The following FMO1 variants were observed in gnomAD, a reference collection of about 807,000 sequenced individuals.
FMO1 encodes flavin-containing monooxygenase 1.
In FMO1, 36 loss-of-function variants were observed where a neutral mutation model predicts 45.4. The ratio of observed to expected loss-of-function variants is 0.79; its 90% confidence interval spans 0.61 to 1.05. FMO1 has a LOEUF of 1.05. FMO1 is among the 50% of genes least tolerant of loss of function. FMO1 has a pLI of 0.00. For synonymous variants in FMO1, 228 were observed against 227.2 expected, an observed-to-expected ratio of 1.00 and a Z score of -0.03; for missense variants, 615 against 640.3, an observed-to-expected ratio of 0.96 and a Z score of 0.43.
chr1:171,260,438 C>G (rs1220647456), intron 2 of FMO1, among the ~76,000 whole-genome samples: 1 of 151,814 alleles, frequency 6.6e-6, no homozygotes, highest in Non-Finnish European at 1.5e-5. Context: ...TTAGCCCTGG[C>G]AAGGTGGGGA....
Position 171,275,360 on chromosome 1 carries a change from T to C in FMO1, c.336T>C (p.Ser112=), listed in dbSNP as rs565500519. 2.5e-5 allele frequency: 40 copies of C among 1,613,742 alleles called. No individual in the cohort carries two copies. Among genetic ancestry groups the C allele is most frequent in the Non-Finnish European group, 3.2e-5 (38 of 1,179,854 alleles). The part of the protein sequence containing the change: ...KHIQFKTKVC[S]VTKCSDSAVS... ...TCTTTTTTCAGACCAAAGTCTGCAG[T>C]GTAACAAAATGCTCAGATTCTGCTG... is the stretch of plus-strand genomic sequence containing the variant. The change falls in exon 4 of 9, where the codon AGT becomes AGC. Residue 112 remains serine (S), a synonymous_variant. Coordinates refer to ENST00000617670, the MANE Select transcript of FMO1 (RefSeq NM_001282693.2).
chr1:171,268,335 T>C (rs973477804), intron 3 of FMO1, among the ~76,000 whole-genome samples: 2 of 152,220 alleles, frequency 1.3e-5, no homozygotes, highest in African/African-American at 2.4e-5. Context: ...TCCTCCTGCC[T>C]TGGCCTCCCA....
intron 5 of FMO1, among the ~76,000 whole-genome samples, chr1:171,279,673 AC>A (rs746762019): frequency 4.6e-5 from 7 of 152,122 alleles, no homozygotes; most frequent in Middle Eastern, 3.2e-3. Context: ...CCAACTACCA[AC>A]AAACAAATCC....
Position 171,256,924 on chromosome 1 carries a change from T to A in FMO1, c.-6-1158T>A, listed in dbSNP as rs28384851. 6.5e-3 allele frequency among the ~76,000 whole-genome samples: 983 copies of A among 152,248 alleles called. 11 individuals are homozygous for A. Among genetic ancestry groups the A allele is most frequent in the African/African-American group, 0.021 (882 of 41,534 alleles). ...GGGGGAAAAGCTAACATCACATAAT[T>A]TAGTGACAAATGTGTGTGCTACTGA... On this transcript the variant is annotated intron_variant, in intron 1 of 8. Coordinates refer to ENST00000617670, the MANE Select transcript of FMO1 (RefSeq NM_001282693.2).
intron 1 of FMO1, among the ~76,000 whole-genome samples, chr1:171,255,899 A>G (rs979530020): frequency 6.6e-6 from 1 of 152,192 alleles, no homozygotes. Context: ...TATATATGCA[A>G]TACTCTTTCC....
At chr1:171,259,983 C>A (rs538158420) in intron 2 of FMO1, among the ~76,000 whole-genome samples, 10 of 152,248 alleles carry the variant, frequency 6.6e-5, no homozygotes, top group African/African-American at 2.4e-4. Context: ...ATGACAGCCA[C>A]ATTTAGGAAG....
rs144681333 is a variant in FMO1 at position 171,282,282 on chromosome 1, A to G, written c.1132A>G (p.Met378Val). 1.9e-6 allele frequency: 3 copies of G among 1,613,798 alleles called. No individual in the cohort carries two copies. The highest frequency in any genetic ancestry group is 1.3e-5 in the African/African-American group (1 of 74,910). Residue 378 changes from methionine (M) to valine (V), a missense_variant, in exon 7 of 9, where the codon ATG becomes GTG. Met to Val is a conservative substitution (Grantham distance 21, BLOSUM62 1). Transcript: ENST00000617670. Reference sequence around the variant, plus strand: ...TGGCCTCATCAAACCCTTGGGCTCCATGATACCTACAGGAGAAACACAAGC... The same window carrying G: ...TGGCCTCATCAAACCCTTGGGCTCCGTGATACCTACAGGAGAAACACAAGC... Reference protein sequence around the residue: ...IIGLIKPLGSMIPTGETQARW... With the variant: ...IIGLIKPLGSVIPTGETQARW...
chr1:171,256,487 A>G (rs1397833220), intron 1 of FMO1, among the ~76,000 whole-genome samples: 1 of 151,972 alleles, frequency 6.6e-6, no homozygotes, highest in East Asian at 1.9e-4. Flanking sequence ...CAGAGAGGGG[A>G]AAATTATACA....
At position 171,282,111 on chromosome 1, in the gene FMO1, C is replaced by A; in HGVS notation, c.961C>A (p.Pro321Thr). Reference sequence around the variant, plus strand: ...ATTTAACAATACTTCAAAGGAAGAGCCTATTGACATCATTGTCTTTGCCAC... The same window carrying A: ...ATTTAACAATACTTCAAAGGAAGAGACTATTGACATCATTGTCTTTGCCAC... Reference protein sequence around the residue: ...VIFNNTSKEEPIDIIVFATGY... With the variant: ...VIFNNTSKEETIDIIVFATGY... The change falls in exon 7 of 9, where the codon CCT becomes ACT. Residue 321 changes from proline to threonine, a missense_variant. Pro to Thr is a conservative substitution (Grantham distance 38, BLOSUM62 -1). Transcript: ENST00000617670. 1 of 1,613,780 alleles carries A rather than the reference C, an allele frequency of 6.2e-7. No individual in the cohort carries two copies. Among genetic ancestry groups the A allele is most frequent in the Non-Finnish European group, 8.5e-7 (1 of 1,179,732 alleles).
chr1:171,267,516 G>A (rs1307897632), intron 2 of FMO1, 27 bp from the exon 3 acceptor site: 1 of 1,543,242 alleles, frequency 6.5e-7, no homozygotes, highest in Non-Finnish European at 8.7e-7. Context: ...TGCAATGAAT[G>A]TTCATGTGTG....
rs866387837 is a variant in FMO1, at chr1:171,257,819, C to T, written c.-6-263C>T. On this transcript the variant is annotated intron_variant, in intron 1 of 8. Coordinates refer to ENST00000617670, the MANE Select transcript of FMO1 (RefSeq NM_001282693.2). ...TATCCAGTAAAAGGTCCAATTCCAG[C>T]AGCTCTGCCAGAAGCTACAGCCTTG... 52 of 440,264 alleles carry T rather than the reference C, an allele frequency of 1.2e-4. No homozygotes were observed. The Middle Eastern group carries it at 2.0e-3, about 17-fold the overall frequency. The allele number at this position is 440,264 out of a possible 1,614,324, so 27.3% of individuals were successfully genotyped here.
intron 1 of FMO1, among the ~76,000 whole-genome samples, chr1:171,252,871 T>G (rs1432795779): frequency 6.6e-6 from 1 of 152,236 alleles, no homozygotes; most frequent in African/African-American, 2.4e-5. Flanking sequence ...TGAGTTTGTT[T>G]ATTTAAATGA....
chr1:171,261,792 C>T (rs1344730110), intron 2 of FMO1, among the ~76,000 whole-genome samples: 1 of 152,200 alleles, frequency 6.6e-6, no homozygotes. Context: ...CTCACAATGT[C>T]ATGACTCTGG....
At chr1:171,266,771 C>T (rs894174594) in intron 2 of FMO1, among the ~76,000 whole-genome samples, 1 of 152,122 alleles carries the variant, frequency 6.6e-6, no homozygotes, top group Non-Finnish European at 1.5e-5. Flanking sequence ...TGTTAAAATA[C>T]AAGAACCTTG....
chr1:171,271,721 T>C (rs925870485), intron 3 of FMO1: 3 of 545,362 alleles, frequency 5.5e-6, no homozygotes, highest in East Asian at 3.0e-5. Context: ...TGGAGATTTA[T>C]GGAACTTTGA....
intron 1 of FMO1, chr1:171,253,844 TG>T (rs1288526366): frequency 1.2e-4 from 19 of 152,278 alleles, no homozygotes; most frequent in Admixed American, 9.2e-4. Context: ...AGCTGAGGTA[TG>T]GTGGTGGCCC....
In FMO1 at chr1:171,285,479, G is replaced by C; in HGVS notation, c.1534G>C (p.Glu512Gln). Residue 512 changes from glutamate to glutamine, a missense_variant, in exon 9 of 9, where the codon GAA becomes CAA. Transcript: ENST00000617670. Reference protein sequence around the residue: ...RVVQESPSPFESFLKVFSFLA... With the variant: ...RVVQESPSPFQSFLKVFSFLA... Reference sequence around the variant, plus strand: ...TGTACAAGAGTCTCCATCTCCCTTTGAAAGTTTTCTTAAAGTCTTTAGCTT... The same window carrying C: ...TGTACAAGAGTCTCCATCTCCCTTTCAAAGTTTTCTTAAAGTCTTTAGCTT... The C allele has an allele frequency of 6.6e-7, 1 of 1,521,338 alleles. No homozygotes were observed. The allele number at this position is 1,521,338 out of a possible 1,614,324, so 94.2% of individuals were successfully genotyped here. A position where few individuals can be genotyped will look rare whatever the true frequency, so the allele number is the denominator to read the frequency against.
chr1:171,271,038 CT>C, intron 3 of FMO1: 2 of 1,006,076 alleles, frequency 2.0e-6, no homozygotes, highest in African/African-American at 1.6e-5. Context: ...CCTCTTCCTT[CT>C]TTTTCTTGCT....
At chr1:171,255,381 A>G (rs1660104281) in intron 1 of FMO1, among the ~76,000 whole-genome samples, 1 of 152,200 alleles carries the variant, frequency 6.6e-6, no homozygotes, top group African/African-American at 2.4e-5. Context: ...CCTCTTTTGC[A>G]AAGTGAGCCC....
Sources: allele counts gnomAD v4.1 joint callset (sites outside exome capture counted in the v4.1 genomes callset), GRCh38; gene constraint gnomAD v4.1.1; transcripts MANE v1.5; gene names NCBI Gene and HGNC (gene_info 2026-07-23, HGNC 2026-07-21).